NAALADL2: variants seen among roughly 807,000 people sequenced by gnomAD.
The protein encoded by NAALADL2 is N-acetylated alpha-linked acidic dipeptidase like 2.
NAALADL2 carries 76 observed loss-of-function variants against 87.2 expected under a neutral mutation model. The ratio of observed to expected loss-of-function variants is 0.87; its 90% CI spans 0.72 to 1.05. The LOEUF (loss-of-function observed/expected upper bound fraction) is 1.05. NAALADL2 is among the 50% of genes least tolerant of loss of function. The pLI, the probability that NAALADL2 is intolerant of heterozygous loss-of-function variation, is 0.00. For synonymous variants in NAALADL2, 354 were observed against 331.0 expected (o/e 1.07, Z -0.75); for missense variants, 1,089 against 945.8 (o/e 1.15, Z -1.99).
At chr3:174,558,632 G>A (rs1270088136) in intron 2 of NAALADL2, among the ~76,000 whole-genome samples, 5 of 152,072 alleles carry the variant, frequency 3.3e-5, no homozygotes, top group Admixed American at 1.3e-4. Context: ...TCTGGCAGGG[G>A]GAGAAGCTCA....
chr3:175,116,951 AAC>A (rs975508928), intron 2 of NAALADL2, among the ~76,000 whole-genome samples: 1 of 152,094 alleles, frequency 6.6e-6, no homozygotes, highest in African/African-American at 2.4e-5. Flanking sequence ...CCTTGGAAAT[AAC>A]ACCACACATC....
intron 1 of NAALADL2, among the ~76,000 whole-genome samples, chr3:174,457,154 T>C (rs987040179): frequency 1.8e-4 from 27 of 152,148 alleles, no homozygotes; most frequent in South Asian, 2.1e-4. Context: ...TACAATGAGA[T>C]ACCATCTCCT....
chr3:175,518,872 G>A (rs1213002668), intron 9 of NAALADL2, among the ~76,000 whole-genome samples: 1 of 152,154 alleles, frequency 6.6e-6, no homozygotes, highest in East Asian at 1.9e-4. Context: ...AGATTAATAG[G>A]AAAAAGGTCA....
chr3:174,578,371 T>A (rs1715779198), intron 2 of NAALADL2, among the ~76,000 whole-genome samples: 1 of 151,870 alleles, frequency 6.6e-6, no homozygotes, highest in South Asian at 2.1e-4. Context: ...GAGAAAATAT[T>A]GAAAATCATT....
intron 1 of NAALADL2, among the ~76,000 whole-genome samples, chr3:174,924,614 C>T (rs1293202890): frequency 6.6e-6 from 1 of 152,096 alleles, no homozygotes; most frequent in Non-Finnish European, 1.5e-5. Flanking sequence ...ATTTCCAGTT[C>T]TAGATCCTTG....
chr3:174,832,395 CAGTTTCCATGT>C (rs1722828217), intron 3 of NAALADL2, among the ~76,000 whole-genome samples: 1 of 152,092 alleles, frequency 6.6e-6, no homozygotes, highest in Non-Finnish European at 1.5e-5. Flanking sequence ...GCAGGATGTT[CAGTTTCCATGT>C]AGTTGAGCGG....
At chr3:175,790,541 CT>C (rs1421017640) in intron 13 of NAALADL2, among the ~76,000 whole-genome samples, 3 of 152,098 alleles carry the variant, frequency 2.0e-5, no homozygotes, top group African/African-American at 7.2e-5. Flanking sequence ...GAGTATTGTT[CT>C]GGGGATTGGA....
At chr3:175,194,520 A>G (rs957375626) in intron 2 of NAALADL2, among the ~76,000 whole-genome samples, 4 of 152,020 alleles carry the variant, frequency 2.6e-5, no homozygotes, top group Middle Eastern at 3.4e-3. Context: ...GGAAACATAG[A>G]TATAATGTAG....
intron 13 of NAALADL2, among the ~76,000 whole-genome samples, chr3:175,767,115 C>G (rs1748802040): frequency 6.6e-6 from 1 of 152,052 alleles, no homozygotes; most frequent in Non-Finnish European, 1.5e-5. Context: ...CCACAGTCAC[C>G]TCGGAGGAGT....
chr3:175,368,124 T>G (rs1482673283), intron 5 of NAALADL2, among the ~76,000 whole-genome samples: 1 of 152,234 alleles, frequency 6.6e-6, no homozygotes, highest in Non-Finnish European at 1.5e-5. Flanking sequence ...CATGTGGTTT[T>G]TGTCTTTGGT....
rs200438223 is a variant in NAALADL2 at position 174,970,975 on chromosome 3, C to G, written c.43+111525C>G. 5.9e-5 allele frequency among the ~76,000 whole-genome samples: 9 copies of G among 152,126 alleles called. No individual in the cohort carries two copies. The East Asian group carries it at 1.7e-3, about 29-fold the overall frequency. ...GGAAAGAAAAAGAGGTTTAATTGGACTTACAGGTCCACATGGCTGGGGAGG... is the reference window on the plus strand; with the variant it reads ...GGAAAGAAAAAGAGGTTTAATTGGAGTTACAGGTCCACATGGCTGGGGAGG... On this transcript the variant is annotated intron_variant, in intron 1 of 13. Transcript: ENST00000454872.
At position 175,339,749 on chromosome 3, in the gene NAALADL2, T is replaced by G. The variant is rs926736350; in HGVS notation, c.1090+15424T>G. Among the ~76,000 whole-genome samples the G allele has an allele frequency of 2.6e-5, 4 of 152,170 alleles. No individual in the cohort carries two copies. In the South Asian group the frequency reaches 8.3e-4, roughly 31 times the overall value. On this transcript the variant is annotated intron_variant, in intron 5 of 13. Coordinates refer to ENST00000454872, the MANE Select transcript of NAALADL2 (RefSeq NM_207015.3). ...TCATGGATACCCTAGACAAAATATC[T>G]TTTGATATACCCCTTTCAGACCTTA...
intron 2 of NAALADL2, among the ~76,000 whole-genome samples, chr3:175,119,754 T>C (rs1322075799): frequency 1.4e-5 from 2 of 137,978 alleles, no homozygotes; most frequent in Non-Finnish European, 3.1e-5. Flanking sequence ...TATATATCTA[T>C]ATATAAAACT....
chr3:175,416,484 T>C (rs1463740424), intron 5 of NAALADL2, among the ~76,000 whole-genome samples: 1 of 152,188 alleles, frequency 6.6e-6, no homozygotes, highest in Non-Finnish European at 1.5e-5. Flanking sequence ...AGTTTTGTTT[T>C]AGTAACTTTG....
Position 175,199,415 on chromosome 3 carries a change from T to A in NAALADL2, c.546-34516T>A, listed in dbSNP as rs575269790. Among the ~76,000 whole-genome samples, 16 of 152,196 alleles carry A rather than the reference T, an allele frequency of 1.1e-4. No individual in the cohort carries two copies. In the East Asian group the frequency reaches 3.1e-3, roughly 29 times the overall value. ...TTCTTGATACCATGCTTTACTCCTA[T>A]CTAAAATTTTCATACTGTGCTAGGT... On this transcript the variant is annotated intron_variant, in intron 2 of 13. Transcript: ENST00000454872.
chr3:174,532,229 G>C (rs1344951795), intron 1 of NAALADL2, among the ~76,000 whole-genome samples: 1 of 152,160 alleles, frequency 6.6e-6, no homozygotes, highest in African/African-American at 2.4e-5. Flanking sequence ...CTGTCCTTGG[G>C]TGAGGAGGAC....
chr3:175,799,362 C>T (rs1753867934), intron 13 of NAALADL2, among the ~76,000 whole-genome samples: 1 of 151,740 alleles, frequency 6.6e-6, no homozygotes, highest in African/African-American at 2.4e-5. Context: ...ATTTTTAATC[C>T]ATTTTTATCT....
intron 11 of NAALADL2, among the ~76,000 whole-genome samples, chr3:175,674,434 T>A (rs886079233): frequency 2.7e-5 from 4 of 145,992 alleles, no homozygotes; most frequent in African/African-American, 1.1e-4. Context: ...TAATGTTTTT[T>A]TTTGCATTTT....
intron 2 of NAALADL2, among the ~76,000 whole-genome samples, chr3:174,674,452 G>C (rs1485461515): frequency 6.6e-6 from 1 of 151,894 alleles, no homozygotes; most frequent in Non-Finnish European, 1.5e-5. Context: ...CAAATACTGT[G>C]AAACGGAGCT....
Sources: allele counts gnomAD v4.1 joint callset (sites outside exome capture counted in the v4.1 genomes callset), GRCh38; gene constraint gnomAD v4.1.1; transcripts MANE v1.5; gene names NCBI Gene and HGNC (gene_info 2026-07-23, HGNC 2026-07-21).